MEIOSIN: variants seen among roughly 807,000 people sequenced by gnomAD.
MEIOSIN encodes meiosis initiator protein.
A neutral mutation model predicts 23.4 loss-of-function variants in MEIOSIN; 18 were observed. That is an observed-to-expected ratio of 0.77 (90% CI 0.53 to 1.14). The LOEUF (loss-of-function observed/expected upper bound fraction) is 1.14, where lower values mean the gene tolerates loss of function less well. Among genes scored for constraint, MEIOSIN ranks in the 50% most tolerant of loss-of-function variants. The pLI, the probability that MEIOSIN is intolerant of heterozygous loss-of-function variation, is 0.00. For missense variants in MEIOSIN, 428 were observed against 242.9 expected, an observed-to-expected ratio of 1.76 and a Z score of -5.07; for synonymous variants, 187 against 100.6, an observed-to-expected ratio of 1.86 and a Z score of -5.14.
chr19:45,733,792 C>T lies in MEIOSIN; in HGVS notation c.-1+126C>T, dbSNP rs1406000731. 4 of 152,356 alleles carry T rather than the reference C, an allele frequency of 2.6e-5. No homozygotes were observed. Among genetic ancestry groups the T allele is most frequent in the African/African-American group, 2.4e-5 (1 of 41,460 alleles). The allele number at this position is 152,356 out of a possible 1,614,324, so 9.4% of individuals were successfully genotyped here. ...CGGTGGGGGGCTCAGGGGAATAGAA[C>T]ATGCTCTGGGTGCAGGGCCACGGGC... On this transcript the variant is annotated intron_variant, in intron 1 of 14. Coordinates refer to ENST00000457052, the MANE Select transcript of MEIOSIN (RefSeq NM_001310124.2). The surrounding 1 kb of genome is among the most constrained non-coding windows in gnomAD (Gnocchi z 5.7).
At chr19:45,752,589 G>A (rs1002599871) in intron 5 of MEIOSIN, among the ~76,000 whole-genome samples, 21 of 151,958 alleles carry the variant, frequency 1.4e-4, no homozygotes, top group African/African-American at 5.1e-4. Flanking sequence ...CTGGGCTTAA[G>A]CAATTCTCCC....
intron 10 of MEIOSIN, 125 bp from the exon 11 acceptor site, chr19:45,759,289 G>C: frequency 1.5e-6 from 1 of 653,710 alleles, no homozygotes; most frequent in Non-Finnish European, 2.8e-6. Flanking sequence ...TTGGACCTAG[G>C]GTGGGAGATC....
At chr19:45,743,742 G>A (rs1968544788) in intron 3 of MEIOSIN, among the ~76,000 whole-genome samples, 2 of 152,168 alleles carry the variant, frequency 1.3e-5, no homozygotes, top group East Asian at 3.9e-4. Flanking sequence ...GGCTGGCCTT[G>A]AACTCCTGGG....
chr19:45,757,412 A>G (rs1472627493), intron 9 of MEIOSIN, 135 bp downstream of exon 9: 6 of 561,088 alleles, frequency 1.1e-5, no homozygotes, highest in Admixed American at 2.9e-5. Context: ...GCAAACACAC[A>G]GTGCACCTGC....
chr19:45,747,279 C>T (rs1318638893), intron 4 of MEIOSIN, among the ~76,000 whole-genome samples: 2 of 152,206 alleles, frequency 1.3e-5, no homozygotes, highest in Non-Finnish European at 2.9e-5. Context: ...GGCCGTGGGA[C>T]ATGCTCAGTC....
intron 3 of MEIOSIN, among the ~76,000 whole-genome samples, chr19:45,743,030 A>G (rs992902729): frequency 6.6e-6 from 1 of 152,162 alleles, no homozygotes; most frequent in Non-Finnish European, 1.5e-5. Flanking sequence ...CAAAGAAAAG[A>G]GGCAGCTCTG....
chr19:45,757,327 A>G (rs756141512), intron 9 of MEIOSIN, 50 bp downstream of exon 9: 1 of 690,116 alleles, frequency 1.4e-6, no homozygotes, highest in Admixed American at 2.0e-5. Flanking sequence ...GGGCCTTCCC[A>G]TACTTTCAGT....
chr19:45,757,923 A>G (rs1968863534), intron 9 of MEIOSIN, among the ~76,000 whole-genome samples: 1 of 151,120 alleles, frequency 6.6e-6, no homozygotes, highest in Admixed American at 6.6e-5. Context: ...CAATTCCTGG[A>G]CTCAAGGGAT....
rs1969005102 is a variant in MEIOSIN, at chr19:45,763,998, G to A, written c.1797G>A (p.Gln599=). 7.5e-6 allele frequency: 3 copies of A among 398,614 alleles called. No homozygotes were observed. Among genetic ancestry groups the A allele is most frequent in the Admixed American group, 8.8e-5 (2 of 22,714 alleles). 24.7% of individuals were successfully genotyped at this position (398,614 alleles called of 1,614,324 possible). A position where few individuals can be genotyped will look rare whatever the true frequency, so the allele number is the denominator to read the frequency against. The change falls in exon 15 of 15, where the codon CAG becomes CAA. Residue 599 remains glutamine, a synonymous_variant. Transcript: ENST00000457052. ...YCTKARRFSR[Q]HNRIVKQDGS... ...CCAAGGCTCGCAGGTTCAGCCGCCA[G>A]CACAACCGCATCGTGAAGCAGGACG...
At chr19:45,753,014 C>T (rs373352308) in intron 5 of MEIOSIN, among the ~76,000 whole-genome samples, 1 of 151,590 alleles carries the variant, frequency 6.6e-6, no homozygotes, top group Admixed American at 6.6e-5. Context: ...AGCTCCACCC[C>T]CTGGGTTCAA....
At chr19:45,752,919 C>CTTTTTTTT (rs11387482) in intron 5 of MEIOSIN, among the ~76,000 whole-genome samples, 7 of 119,160 alleles carry the variant, frequency 5.9e-5, no homozygotes, top group South Asian at 2.7e-4. Flanking sequence ...GTTTCTTCTT[C>CTTTTTTTT]TTTTTTTTTT....
chr19:45,735,245 G>T, intron 1 of MEIOSIN, 132 bp from the exon 2 acceptor site: 1 of 605,302 alleles, frequency 1.7e-6, no homozygotes, highest in South Asian at 1.9e-5. Flanking sequence ...GTTGGGGCTA[G>T]GGACTCTTAT....
rs766524903 is a variant in MEIOSIN, at chr19:45,758,885, A to C, written c.1020A>C (p.Pro340=). The C allele has an allele frequency of 2.8e-6, 2 of 703,070 alleles. No homozygotes were observed. The highest frequency in any genetic ancestry group is 3.0e-5 in the South Asian group (2 of 67,606). The allele number at this position is 703,070 out of a possible 1,614,324, so 43.6% of individuals were successfully genotyped here. The change falls in exon 10 of 15, where the codon CCA becomes CCC. Residue 340 remains proline (P), a synonymous_variant. Transcript: ENST00000457052. ...CTGCTGTTCCCTTTCCAGGGAGCCC[A>C]CTGTTCCTGGGGCCTCCCCAGATTG... The part of the protein sequence containing the change: ...WTPENSPQGS[P]LFLGPPQIDV...
At position 45,745,257 on chromosome 19, in the gene MEIOSIN, A is replaced by G; in HGVS notation, c.242A>G (p.Lys81Arg). Residue 81 changes from lysine (K) to arginine (R), a missense_variant, in exon 4 of 15, where the codon AAG becomes AGG. By Grantham distance (26) the Lys-to-Arg change is conservative. Coordinates refer to ENST00000457052, the MANE Select transcript of MEIOSIN (RefSeq NM_001310124.2). The stretch of plus-strand genomic sequence containing the variant: ...AAGCAGAGGAAAAACCACACTAGCA[A>G]GCTGCAAGAGTTGGCACTGCTGCTG... ...NKKQRKNHTS[K>R]LQELALLLPI... 1.4e-6 allele frequency: 1 copy of G among 703,030 alleles called. No individual in the cohort carries two copies. The highest frequency in any genetic ancestry group is 2.6e-6 in the Non-Finnish European group (1 of 385,022). The allele number at this position is 703,030 out of a possible 1,614,324, so 43.5% of individuals were successfully genotyped here.
chr19:45,759,164 T>G (rs1968893765), intron 10 of MEIOSIN, 131 bp downstream of exon 10: 3 of 641,034 alleles, frequency 4.7e-6, no homozygotes, highest in South Asian at 3.6e-5. Flanking sequence ...CACGGCCTAG[T>G]GGGGGAGCAG....
Position 45,758,963 on chromosome 19 carries a change from C to T in MEIOSIN, c.1098C>T (p.Ser366=), listed in dbSNP as rs930433477. The T allele has an allele frequency of 4.3e-6, 3 of 703,100 alleles. No individual in the cohort carries two copies. Among genetic ancestry groups the T allele is most frequent in the Non-Finnish European group, 7.8e-6 (3 of 385,034 alleles). 43.6% of individuals were successfully genotyped at this position (703,100 alleles called of 1,614,324 possible). The change falls in exon 10 of 15, where the codon AGC becomes AGT. Residue 366 remains serine, a synonymous_variant. Transcript: ENST00000457052. The part of the protein sequence containing the change: ...HPSEILGLSP[S]LFSSPGKLLP... ...GTGAGATCCTCGGGCTCAGCCCTAGCCTTTTCAGCTCCCCAGGGAAACTGC... is the reference window on the plus strand; with the variant it reads ...GTGAGATCCTCGGGCTCAGCCCTAGTCTTTTCAGCTCCCCAGGGAAACTGC...
intron 2 of MEIOSIN, 41 bp downstream of exon 2, chr19:45,735,488 T>C: frequency 1.5e-6 from 1 of 676,930 alleles, no homozygotes; most frequent in African/African-American, 1.8e-5. Flanking sequence ...CCAGCCACTC[T>C]CATTGAATAA....
chr19:45,756,082 A>G lies in MEIOSIN; in HGVS notation c.911+4A>G. On this transcript the variant is annotated splice_donor_region_variant and intron_variant, in intron 8 of 14. Transcript: ENST00000457052. ...ACAAGACCCAGCCCCATCCCAGGTA[A>G]GGGCGTCCCCAGGGCACTGAGTGAG... is the stretch of plus-strand genomic sequence containing the variant. 1.4e-6 allele frequency: 1 copy of G among 702,704 alleles called. No individual in the cohort carries two copies. Among genetic ancestry groups the G allele is most frequent in the Non-Finnish European group, 2.6e-6 (1 of 384,938 alleles). The allele number at this position is 702,704 out of a possible 1,614,324, so 43.5% of individuals were successfully genotyped here. A position where few individuals can be genotyped will look rare whatever the true frequency, so the allele number is the denominator to read the frequency against.
At chr19:45,747,653 A>AT (rs1968619065) in intron 4 of MEIOSIN, among the ~76,000 whole-genome samples, 1 of 152,100 alleles carries the variant, frequency 6.6e-6, no homozygotes, top group African/African-American at 2.4e-5. Context: ...TCTTAGATAC[A>AT]TTTTTCTCAT....
Sources: allele counts gnomAD v4.1 joint callset (sites outside exome capture counted in the v4.1 genomes callset), GRCh38; gene constraint gnomAD v4.1.1; non-coding constraint Gnocchi (gnomAD v3.1); transcripts MANE v1.5; gene names NCBI Gene and HGNC (gene_info 2026-07-23, HGNC 2026-07-21).